AEBP2: variants seen among roughly 807,000 people sequenced by gnomAD.
AEBP2 encodes AE binding protein 2.
Under a neutral mutation model 50.8 loss-of-function variants are expected in AEBP2, and 10 were observed. That is an observed-to-expected ratio of 0.20 (90% CI 0.12 to 0.33). The LOEUF (loss-of-function observed/expected upper bound fraction) is 0.33, where lower values mean the gene tolerates loss of function less well. AEBP2 is among the 10% of genes least tolerant of loss of function. AEBP2 has a pLI of 1.00. For missense variants in AEBP2, 570 were observed against 688.0 expected, an observed-to-expected ratio of 0.83 and a Z score of 1.92; for synonymous variants, 296 against 261.3, an observed-to-expected ratio of 1.13 and a Z score of -1.28.
chr12:19,439,093 G>A (rs1947892781), upstream of AEBP2, among the ~76,000 whole-genome samples: 1 of 152,162 alleles, frequency 6.6e-6, no homozygotes, highest in South Asian at 2.1e-4. Context: ...CTGTCGCCCT[G>A]TGTTGCGCAT....
At chr12:19,435,007 A>G (rs1420518642), upstream of AEBP2, among the ~76,000 whole-genome samples, 1 of 152,068 alleles carries the variant, frequency 6.6e-6, no homozygotes, top group Non-Finnish European at 1.5e-5. Context: ...TTCCCTTAAT[A>G]AATCCTTCAC....
intron 4 of AEBP2, among the ~76,000 whole-genome samples, chr12:19,494,611 C>A (rs894193878): frequency 6.6e-6 from 1 of 150,936 alleles, no homozygotes; most frequent in Non-Finnish European, 1.5e-5. Context: ...AAACTCCCGA[C>A]CTCAGGTGAT....
chr12:19,445,571 T>TA (rs1337379715), intron 1 of AEBP2, among the ~76,000 whole-genome samples: 1 of 152,166 alleles, frequency 6.6e-6, no homozygotes, highest in Non-Finnish European at 1.5e-5. Context: ...ACAAAACCCT[T>TA]ACCTCATGAG....
At chr12:19,412,861 C>G (rs11044540) in intron 1 of AEBP2, among the ~76,000 whole-genome samples, 1 of 152,222 alleles carries the variant, frequency 6.6e-6, no homozygotes, top group Non-Finnish European at 1.5e-5. Context: ...AATGGGGAGG[C>G]TCTGGGTGCC....
intron 1 of AEBP2, among the ~76,000 whole-genome samples, chr12:19,446,223 A>G (rs900163957): frequency 3.3e-5 from 5 of 152,242 alleles, no homozygotes; most frequent in Non-Finnish European, 5.9e-5. Flanking sequence ...GATAAGAAAC[A>G]TGACGGTATC....
intron 3 of AEBP2, among the ~76,000 whole-genome samples, chr12:19,476,047 G>T (rs1384242864): frequency 6.6e-6 from 1 of 152,004 alleles, no homozygotes; most frequent in Non-Finnish European, 1.5e-5. Flanking sequence ...CTTTTTATGT[G>T]CAGAAGCTTT....
At chr12:19,499,574 A>G (rs1193776367) in intron 4 of AEBP2, among the ~76,000 whole-genome samples, 3 of 150,428 alleles carry the variant, frequency 2.0e-5, no homozygotes, top group Non-Finnish European at 4.4e-5. Context: ...AGATGGCGCC[A>G]CTGCACTTCA....
At chr12:19,489,000 G>A (rs1248485441) in intron 3 of AEBP2, among the ~76,000 whole-genome samples, 1 of 152,060 alleles carries the variant, frequency 6.6e-6, no homozygotes. Context: ...AGTTGGCCAG[G>A]CTGGTCTCAA....
At chr12:19,457,441 C>A (rs1315722333) in intron 1 of AEBP2, 4 of 1,522,790 alleles carry the variant, frequency 2.6e-6, no homozygotes, top group South Asian at 2.4e-5. Context: ...ATGGTGATAC[C>A]ACGTTCACGC....
At chr12:19,445,833 A>G (rs1190818971) in intron 1 of AEBP2, 1 of 152,136 alleles carries the variant, frequency 6.6e-6, no homozygotes, top group Non-Finnish European at 1.5e-5. Flanking sequence ...TTCATATGAA[A>G]CCTTTCATTT....
chr12:19,444,205 A>C (rs571543077), intron 1 of AEBP2, among the ~76,000 whole-genome samples: 1 of 152,364 alleles, frequency 6.6e-6, no homozygotes, highest in South Asian at 2.1e-4. Flanking sequence ...CTTCCAACAC[A>C]GTATCATGTA....
At chr12:19,508,358 G>T (rs1160254297) in intron 5 of AEBP2, among the ~76,000 whole-genome samples, 1 of 152,140 alleles carries the variant, frequency 6.6e-6, no homozygotes, top group African/African-American at 2.4e-5. Context: ...ACTGCGTCTG[G>T]CCTCACCATA....
At chr12:19,493,724 A>G in intron 3 of AEBP2, 76 bp from the exon 4 acceptor site, 2 of 1,353,474 alleles carry the variant, frequency 1.5e-6, no homozygotes. Flanking sequence ...CGAAAATACT[A>G]GATATTCACT....
At chr12:19,430,891 C>T (rs906825789) in intron 1 of AEBP2, among the ~76,000 whole-genome samples, 58 of 151,442 alleles carry the variant, frequency 3.8e-4, no homozygotes, top group African/African-American at 1.4e-3. Context: ...GGTGTGATGG[C>T]GCATTCCTGT....
chr12:19,510,882 T>TTTTTTTTTTTTTTG, intron 5 of AEBP2, among the ~76,000 whole-genome samples: 1 of 148,320 alleles, frequency 6.7e-6, no homozygotes, highest in Admixed American at 6.8e-5. Flanking sequence ...TTTTTTTTTT[T>TTTTTTTTTTTTTTG]GAGGTGGGGC....
At chr12:19,513,450 G>A (rs908720634) in intron 6 of AEBP2, among the ~76,000 whole-genome samples, 1 of 152,132 alleles carries the variant, frequency 6.6e-6, no homozygotes, top group Non-Finnish European at 1.5e-5. Context: ...TTCATTATGT[G>A]TACCTAATTC....
At chr12:19,447,564 G>GT (rs1229025105) in intron 1 of AEBP2, among the ~76,000 whole-genome samples, 4 of 152,232 alleles carry the variant, frequency 2.6e-5, no homozygotes, top group Non-Finnish European at 5.9e-5. Context: ...ACATTGAGTA[G>GT]TGAAAGAGCA....
At chr12:19,486,372 C>G (rs910790986) in intron 3 of AEBP2, among the ~76,000 whole-genome samples, 7 of 152,130 alleles carry the variant, frequency 4.6e-5, no homozygotes, top group Non-Finnish European at 8.8e-5. Context: ...TGGATTGTTT[C>G]CAATCATTGG....
At chr12:19,501,797 G>GTTTTTTGTTTTTTTTTTTTT (rs1555187205) in intron 5 of AEBP2, among the ~76,000 whole-genome samples, 5 of 70,870 alleles carry the variant, frequency 7.1e-5, no homozygotes, top group South Asian at 6.7e-4. Context: ...AAATGAGTTT[G>GTTTTTTGTTTTTTTTTTTTT]TTTTTTTTTT....
Sources: allele counts gnomAD v4.1 joint callset (sites outside exome capture counted in the v4.1 genomes callset), GRCh38; gene constraint gnomAD v4.1.1; transcripts MANE v1.5; gene names NCBI Gene and HGNC (gene_info 2026-07-23, HGNC 2026-07-21).